The following SLC8A1 variants were observed in gnomAD, a reference collection of about 807,000 sequenced individuals.
SLC8A1 encodes sodium/calcium exchanger 1.
In SLC8A1, 18 loss-of-function variants were observed where a neutral mutation model predicts 68.3. That is an observed-to-expected ratio of 0.26 (90% CI 0.18 to 0.39). SLC8A1 has a LOEUF of 0.39. Among genes scored for constraint, SLC8A1 ranks in the 10% least tolerant of loss-of-function variants. SLC8A1 has a pLI of 1.00. For synonymous variants in SLC8A1, 475 were observed against 415.5 expected, an observed-to-expected ratio of 1.14 and a Z score of -1.74; for missense variants, 985 against 1,156.7, an observed-to-expected ratio of 0.85 and a Z score of 2.15.
At chr2:40,168,565 G>T (rs2046939884) in intron 4 of SLC8A1, among the ~76,000 whole-genome samples, 1 of 152,152 alleles carries the variant, frequency 6.6e-6, no homozygotes, top group Non-Finnish European at 1.5e-5. Flanking sequence ...GCAAAAATGA[G>T]AGCCAAGTCT....
chr2:40,209,686 G>C (rs2056210589), intron 2 of SLC8A1, among the ~76,000 whole-genome samples: 1 of 152,134 alleles, frequency 6.6e-6, no homozygotes, highest in African/African-American at 2.4e-5. Flanking sequence ...TAGGAAGACA[G>C]AGTATAGAGT....
chr2:40,385,132 T>C (rs548943201), intron 2 of SLC8A1, among the ~76,000 whole-genome samples: 1 of 152,180 alleles, frequency 6.6e-6, no homozygotes, highest in African/African-American at 2.4e-5. Flanking sequence ...TGATGAAAAG[T>C]TAATTGCAAA....
intron 2 of SLC8A1, among the ~76,000 whole-genome samples, chr2:40,374,999 A>G (rs72939995): frequency 2.0e-5 from 3 of 152,082 alleles, no homozygotes; most frequent in South Asian, 4.1e-4. Flanking sequence ...CCAGAGTAAT[A>G]AATCTTCCAT....
chr2:40,124,963 G>T (rs889774329), intron 7 of SLC8A1, among the ~76,000 whole-genome samples: 1 of 152,142 alleles, frequency 6.6e-6, no homozygotes, highest in African/African-American at 2.4e-5. Flanking sequence ...AATGTCCCAG[G>T]ATTTCACAAT....
At chr2:40,211,769 G>GA (rs1201804561) in intron 2 of SLC8A1, among the ~76,000 whole-genome samples, 1 of 152,196 alleles carries the variant, frequency 6.6e-6, no homozygotes, top group Non-Finnish European at 1.5e-5. Context: ...AGAGGTAGAT[G>GA]AAAAACCCAG....
At chr2:40,272,707 C>T (rs376808309) in intron 2 of SLC8A1, among the ~76,000 whole-genome samples, 4 of 152,324 alleles carry the variant, frequency 2.6e-5, no homozygotes, top group Non-Finnish European at 4.4e-5. Context: ...GCCCTTTTAA[C>T]ATTTTTCACT....
chr2:40,107,279 C>CAAAAAAAAAAAAAAAAGA (rs571403529), exon 8 of SLC8A1: 4 of 64,958 alleles, frequency 6.2e-5, no homozygotes, highest in Non-Finnish European at 1.2e-4. Flanking sequence ...GACTCCGTCT[C>CAAAAAAAAAAAAAAAAGA]AAAAAAAAAA....
chr2:40,502,324 G>A (rs867381244), intron 1 of SLC8A1, among the ~76,000 whole-genome samples: 10 of 151,974 alleles, frequency 6.6e-5, no homozygotes, highest in Middle Eastern at 3.4e-3. Flanking sequence ...TCAGGTTTGC[G>A]GACTATGGTC....
chr2:40,320,277 C>G (rs1260801248), intron 2 of SLC8A1, among the ~76,000 whole-genome samples: 2 of 151,980 alleles, frequency 1.3e-5, no homozygotes, highest in African/African-American at 4.8e-5. Context: ...AAATAAACAT[C>G]CGATGTTTTC....
intron 2 of SLC8A1, among the ~76,000 whole-genome samples, chr2:40,248,376 A>T (rs1416563161): frequency 6.6e-6 from 1 of 152,132 alleles, no homozygotes; most frequent in African/African-American, 2.4e-5. Context: ...CACTCTTAAG[A>T]GTGAGGTTAG....
chr2:40,165,346 T>C (rs1159849314), intron 4 of SLC8A1, among the ~76,000 whole-genome samples: 1 of 152,142 alleles, frequency 6.6e-6, no homozygotes, highest in East Asian at 1.9e-4. Context: ...GTACACATTC[T>C]TTCAGCACGT....
intron 2 of SLC8A1, among the ~76,000 whole-genome samples, chr2:40,269,714 C>A (rs891450738): frequency 6.6e-6 from 1 of 152,060 alleles, no homozygotes; most frequent in African/African-American, 2.4e-5. Context: ...GGTCACTGTG[C>A]TCAGCAGCAT....
At chr2:40,166,902 T>C (rs1319392709) in intron 4 of SLC8A1, among the ~76,000 whole-genome samples, 1 of 152,220 alleles carries the variant, frequency 6.6e-6, no homozygotes, top group Non-Finnish European at 1.5e-5. Context: ...AACTTGGACA[T>C]CTATTTAAAC....
At chr2:40,430,038 A>G (rs1396587119) in exon 2 of SLC8A1, 3 of 1,613,936 alleles carry the variant, frequency 1.9e-6, no homozygotes, top group Non-Finnish European at 2.5e-6. Flanking sequence ...TGGCCACAAA[A>G]TACACAGTAG....
intron 2 of SLC8A1, among the ~76,000 whole-genome samples, chr2:40,324,218 G>A (rs1022253776): frequency 3.3e-5 from 5 of 152,088 alleles, no homozygotes; most frequent in African/African-American, 9.7e-5. Context: ...CTTTTAGATC[G>A]ATACTGGGTT....
At chr2:40,283,185 T>C (rs544537800) in intron 2 of SLC8A1, among the ~76,000 whole-genome samples, 3 of 152,322 alleles carry the variant, frequency 2.0e-5, no homozygotes, top group African/African-American at 7.2e-5. Context: ...TGTTTTCCTT[T>C]TTGTTCTCTA....
At chr2:40,338,881 T>A (rs1365650940) in intron 2 of SLC8A1, among the ~76,000 whole-genome samples, 3 of 148,190 alleles carry the variant, frequency 2.0e-5, no homozygotes, top group Non-Finnish European at 3.0e-5. Flanking sequence ...GTATCTTATA[T>A]GAGAACAACT....
At chr2:40,426,897 A>C (rs1048189048) in intron 2 of SLC8A1, among the ~76,000 whole-genome samples, 3 of 152,036 alleles carry the variant, frequency 2.0e-5, no homozygotes, top group Middle Eastern at 3.2e-3. Context: ...CAAAGGAATA[A>C]AGTTCATTTG....
At chr2:40,258,365 T>A (rs1404959387) in intron 2 of SLC8A1, among the ~76,000 whole-genome samples, 1 of 152,136 alleles carries the variant, frequency 6.6e-6, no homozygotes, top group African/African-American at 2.4e-5. Context: ...CCTTCAGACG[T>A]CAAAATGAAA....
Sources: allele counts gnomAD v4.1 joint callset (sites outside exome capture counted in the v4.1 genomes callset), GRCh38; gene constraint gnomAD v4.1.1; transcripts MANE v1.5; gene names NCBI Gene and HGNC (gene_info 2026-07-23, HGNC 2026-07-21).